The following TRPM8 variants were observed in gnomAD, a reference collection of about 807,000 sequenced individuals.
TRPM8 encodes the protein TRPM8 cationic channel.
A neutral mutation model predicts 133.7 loss-of-function variants in TRPM8; 110 were observed. That is an observed-to-expected ratio of 0.82 (90% CI 0.70 to 0.96). The LOEUF is 0.96. TRPM8 is among the 40% of genes least tolerant of loss of function. The probability of loss-of-function intolerance (pLI) is 0.00; values close to 1 mark genes in which losing one functional copy is unlikely to be tolerated. For missense variants in TRPM8, 1,291 were observed against 1,379.5 expected (o/e 0.94, Z 1.02); for synonymous variants, 535 against 532.3 (o/e 1.01, Z -0.07).
chr2:233,995,891 C>T (rs921937324), intron 21 of TRPM8, among the ~76,000 whole-genome samples: 1 of 152,006 alleles, frequency 6.6e-6, no homozygotes, highest in African/African-American at 2.4e-5. Flanking sequence ...ATTTTTAAGG[C>T]TCTTGATAAA....
intron 20 of TRPM8, among the ~76,000 whole-genome samples, chr2:233,983,646 A>G (rs1046701890): frequency 6.6e-6 from 1 of 152,202 alleles, no homozygotes; most frequent in African/African-American, 2.4e-5. Context: ...GCGTTAGCCC[A>G]CTGCCAACTG....
rs138240187 is a variant in TRPM8 at position 233,939,148 on chromosome 2, C to T, written c.499C>T (p.Arg167Trp). ...LKPRMRKIFSRLIYIAQSKGA... is the reference protein window; with the variant it reads ...LKPRMRKIFSWLIYIAQSKGA... Reference sequence around the variant, plus strand: ...GCCGCGCATGCGCAAGATCTTCAGCCGGCTCATCTACATCGCGCAGTCCAA... The same window carrying T: ...GCCGCGCATGCGCAAGATCTTCAGCTGGCTCATCTACATCGCGCAGTCCAA... Residue 167 changes from arginine to tryptophan, a missense_variant, in exon 5 of 26, where the codon CGG (arginine) becomes TGG (tryptophan). Around this residue, in one of 2 missense-constraint regions of TRPM8, gnomAD observed 963 missense variants for 968.9 expected, o/e 0.99. Transcript: ENST00000324695. The T allele has an allele frequency of 8.1e-6, 13 of 1,613,994 alleles. No homozygotes were observed. The African/African-American group carries it at 1.5e-4, about 18-fold the overall frequency.
In TRPM8 at chr2:234,006,836, T is replaced by A. The variant is rs1166860294; in HGVS notation, c.3131-17T>A. ...AAATGAAACAATTTGAATGTTTTCT[T>A]TTTCTCATTATTCAAGGTTTCAAAA... On this transcript the variant is annotated splice_polypyrimidine_tract_variant and intron_variant, in intron 22 of 25. Transcript: ENST00000324695. 6 of 1,587,020 alleles carry A rather than the reference T, an allele frequency of 3.8e-6. No homozygotes were observed. The highest frequency in any genetic ancestry group is 5.2e-6 in the Non-Finnish European group (6 of 1,157,314).
At chr2:233,958,096 C>G (rs1046654270) in intron 11 of TRPM8, among the ~76,000 whole-genome samples, 2 of 152,178 alleles carry the variant, frequency 1.3e-5, no homozygotes, top group Non-Finnish European at 1.5e-5. Flanking sequence ...GTTTACTTGC[C>G]TGTCATACCA....
At chr2:233,921,005 C>G (rs986794646) in intron 1 of TRPM8, among the ~76,000 whole-genome samples, 1 of 151,934 alleles carries the variant, frequency 6.6e-6, no homozygotes, top group Non-Finnish European at 1.5e-5. Context: ...TACAGGTGCC[C>G]TTCACCATGC....
intron 1 of TRPM8, among the ~76,000 whole-genome samples, chr2:233,925,599 G>A (rs1227900511): frequency 6.6e-6 from 1 of 152,164 alleles, no homozygotes; most frequent in Non-Finnish European, 1.5e-5. Context: ...AGACCAGCAG[G>A]GCCGAGCGCA....
intron 1 of TRPM8, among the ~76,000 whole-genome samples, chr2:233,919,606 A>G (rs1691369273): frequency 1.3e-5 from 2 of 151,728 alleles, no homozygotes; most frequent in Admixed American, 1.3e-4. Flanking sequence ...AGATGGATCC[A>G]TGTAAATACT....
chr2:233,968,614 C>T (rs1039679877), intron 15 of TRPM8, among the ~76,000 whole-genome samples: 1 of 152,030 alleles, frequency 6.6e-6, no homozygotes, highest in African/African-American at 2.4e-5. Flanking sequence ...GGGCAGGTGC[C>T]CAGGGCCAGA....
At chr2:233,957,879 T>C (rs1672100246) in intron 11 of TRPM8, among the ~76,000 whole-genome samples, 1 of 152,238 alleles carries the variant, frequency 6.6e-6, no homozygotes, top group African/African-American at 2.4e-5. Flanking sequence ...TGTTTACCGT[T>C]ACCCAACTGA....
intron 17 of TRPM8, among the ~76,000 whole-genome samples, chr2:233,973,855 G>C (rs1191936611): frequency 6.6e-6 from 1 of 152,192 alleles, no homozygotes; most frequent in Non-Finnish European, 1.5e-5. Flanking sequence ...GTGAGGAAGT[G>C]AGAGAAGCAG....
chr2:233,987,635 G>C (rs1692176854), intron 21 of TRPM8, among the ~76,000 whole-genome samples: 1 of 152,136 alleles, frequency 6.6e-6, no homozygotes, highest in Non-Finnish European at 1.5e-5. Context: ...TCTTTACACT[G>C]TGACCAAAAG....
intron 11 of TRPM8, among the ~76,000 whole-genome samples, chr2:233,959,210 G>C (rs760206877): frequency 6.6e-6 from 1 of 152,038 alleles, no homozygotes; most frequent in Non-Finnish European, 1.5e-5. Context: ...GTTATTAGTA[G>C]AGACGAGGTT....
At chr2:233,924,597 A>T (rs1033326402) in intron 1 of TRPM8, among the ~76,000 whole-genome samples, 1 of 152,194 alleles carries the variant, frequency 6.6e-6, no homozygotes, top group Non-Finnish European at 1.5e-5. Context: ...CTGGTCTCAG[A>T]GAACCAGTTG....
intron 11 of TRPM8, among the ~76,000 whole-genome samples, chr2:233,957,534 A>C (rs7564119): frequency 6.6e-6 from 1 of 152,200 alleles, no homozygotes; most frequent in South Asian, 2.1e-4. Context: ...ACAAAAAAAC[A>C]AAAAAATTAA....
intron 2 of TRPM8, among the ~76,000 whole-genome samples, chr2:233,928,119 G>T (rs950228098): frequency 2.1e-4 from 31 of 150,832 alleles, no homozygotes; most frequent in African/African-American, 7.1e-4. Flanking sequence ...ACAGGCTCCC[G>T]CCACTATGCC....
At chr2:233,938,949 C>G (rs201956960) in intron 4 of TRPM8, 49 bp from the exon 5 acceptor site, 1 of 1,586,066 alleles carries the variant, frequency 6.3e-7, no homozygotes, top group South Asian at 1.1e-5. Flanking sequence ...AAACCCCGAC[C>G]TCAGGAGAAC....
chr2:233,967,836 C>T (rs1259059800), intron 15 of TRPM8, among the ~76,000 whole-genome samples: 1 of 151,958 alleles, frequency 6.6e-6, no homozygotes, highest in Non-Finnish European at 1.5e-5. Context: ...CCAGGTGGGT[C>T]ACACTCTACT....
chr2:233,941,911 C>T (rs976952056), intron 5 of TRPM8, among the ~76,000 whole-genome samples: 2 of 151,902 alleles, frequency 1.3e-5, no homozygotes, highest in East Asian at 1.9e-4. Context: ...AGCAGAGTGC[C>T]CGACTTACCA....
At chr2:233,999,113 T>C (rs1186271803) in intron 22 of TRPM8, among the ~76,000 whole-genome samples, 1 of 151,234 alleles carries the variant, frequency 6.6e-6, no homozygotes, top group Non-Finnish European at 1.5e-5. Context: ...CCTGAAAGCA[T>C]TTATTTGCCC....
Sources: gnomAD v4.1 joint callset for allele counts (sites outside exome capture counted in the v4.1 genomes callset) on GRCh38, gnomAD v4.1.1 for gene constraint, gnomAD v4.1.1 regional missense constraint, MANE v1.5 for transcripts, NCBI Gene and HGNC (gene_info 2026-07-23, HGNC 2026-07-21) for gene names.